Variants in PNLDC1 observed in about 807,000 individuals in gnomAD.
The protein encoded by PNLDC1 is PARN like ribonuclease domain containing exonuclease 1.
A neutral mutation model predicts 82.0 loss-of-function variants in PNLDC1; 70 were observed. The observed-to-expected ratio is 0.85, with a 90% CI of 0.70 to 1.04. The LOEUF (loss-of-function observed/expected upper bound fraction) is 1.04, where lower values mean the gene tolerates loss of function less well. Among genes scored for constraint, PNLDC1 ranks in the 50% least tolerant of loss-of-function variants. PNLDC1 has a pLI of 0.00. For missense variants in PNLDC1, 631 were observed against 661.1 expected (o/e 0.95, Z 0.50); for synonymous variants, 280 against 249.3 (o/e 1.12, Z -1.16).
intron 14 of PNLDC1, 151 bp downstream of exon 14, chr6:159,816,747 C>G (rs764215501): frequency 4.2e-6 from 3 of 719,014 alleles, no homozygotes; most frequent in Non-Finnish European, 7.1e-6. Context: ...ATCCTCCCAC[C>G]TCAGCTTCCC....
In PNLDC1 at chr6:159,805,778, T is replaced by C. The variant is rs1781425409; in HGVS notation, c.462-205T>C. ...GGATTGAATATATGCCTGGATCCTA[T>C]GGAAGGTTGTGGGCTATTCTTCCAA... On this transcript the variant is annotated intron_variant, in intron 6 of 18. Coordinates refer to ENST00000392167, the MANE Select transcript of PNLDC1 (RefSeq NM_001271862.2). 1.8e-5 allele frequency: 10 copies of C among 559,560 alleles called. No homozygotes were observed. In the South Asian group the frequency reaches 2.0e-4, roughly 11 times the overall value. The allele number at this position is 559,560 out of a possible 1,614,324, so 34.7% of individuals were successfully genotyped here.
Position 159,818,566 on chromosome 6 carries a change from T to A in PNLDC1, c.1169T>A (p.Val390Glu), listed in dbSNP as rs1288576270. 6.2e-7 allele frequency: 1 copy of A among 1,613,754 alleles called. No individual in the cohort carries two copies. The highest frequency in any genetic ancestry group is 8.5e-7 in the Non-Finnish European group (1 of 1,180,024). The change falls in exon 16 of 19, where the codon GTG becomes GAG. Residue 390 changes from valine to glutamate, a missense_variant. Transcript: ENST00000392167. ...TTCTGTCCTTGCAGCATCGACCCCG[T>A]GCCCGAGTCATCCTTTCCTCAGTAC... ...LLQKIYHIDP[V>E]PESSFPQYLD... is the part of the protein sequence containing the mutation.
chr6:159,801,281 A>G, intron 3 of PNLDC1, 95 bp downstream of exon 3: 1 of 1,174,374 alleles, frequency 8.5e-7, no homozygotes, highest in East Asian at 2.3e-5. Context: ...TTTTTCAAGG[A>G]TATTGAGTAT....
intron 18 of PNLDC1, 55 bp from the exon 19 acceptor site, chr6:159,820,399 G>T (rs960538011): frequency 6.4e-7 from 1 of 1,561,280 alleles, no homozygotes; most frequent in Non-Finnish European, 8.8e-7. Context: ...GCCTGTGTCG[G>T]TGCCTCTCGG....
At chr6:159,815,934 A>G (rs761681494) in intron 12 of PNLDC1, 35 bp from the exon 13 acceptor site, 19 of 1,557,216 alleles carry the variant, frequency 1.2e-5, no homozygotes, top group Middle Eastern at 3.4e-4. Flanking sequence ...TACTTTCAGC[A>G]AATTGTTTTT....
At chr6:159,800,431 C>T (rs1178924160) in intron 1 of PNLDC1, 48 bp downstream of exon 1, 5 of 1,526,896 alleles carry the variant, frequency 3.3e-6, no homozygotes, top group Admixed American at 2.0e-5. Context: ...CCCCTTGCCC[C>T]GGGCGAGCTT....
chr6:159,813,726 T>TG, intron 12 of PNLDC1, 70 bp downstream of exon 12: 1 of 1,414,262 alleles, frequency 7.1e-7, no homozygotes, highest in Non-Finnish European at 1.0e-6. Flanking sequence ...CGCAGGCCTT[T>TG]GGGCTCTCTA....
At position 159,819,160 on chromosome 6, in the gene PNLDC1, G is replaced by T. The variant is rs375147516; in HGVS notation, c.1433+39G>T. The T allele has an allele frequency of 1.9e-6, 3 of 1,609,928 alleles. No individual in the cohort carries two copies. The highest frequency in any genetic ancestry group is 2.5e-6 in the Non-Finnish European group (3 of 1,177,114). On this transcript the variant is annotated intron_variant, in intron 17 of 18. Coordinates refer to ENST00000392167, the MANE Select transcript of PNLDC1 (RefSeq NM_001271862.2). The surrounding 1 kb of genome is among the most constrained non-coding windows in gnomAD (Gnocchi z 4.6). ...AGTCCGCGTCCCCCACCCCTCGTGC[G>T]TTCATCCCTGTATCTCTCTGACTCC... is the stretch of plus-strand genomic sequence containing the variant.
rs908360672 is a variant in PNLDC1 at position 159,805,997 on chromosome 6, A to G, written c.476A>G (p.Asp159Gly). 1.2e-6 allele frequency: 2 copies of G among 1,614,138 alleles called. No individual in the cohort carries two copies. Among genetic ancestry groups the G allele is most frequent in the Non-Finnish European group, 8.5e-7 (1 of 1,179,980 alleles). Reference protein sequence around the residue: ...NWRVRSSPDKDQIKVVIDEVT... With the variant: ...NWRVRSSPDKGQIKVVIDEVT... Reference sequence around the variant, plus strand: ...CCCATTTTCAGCTCTCCGGATAAAGACCAAATCAAGGTGGTGATTGACGAA... The same window carrying G: ...CCCATTTTCAGCTCTCCGGATAAAGGCCAAATCAAGGTGGTGATTGACGAA... The change falls in exon 7 of 19, where the codon GAC (aspartate) becomes GGC (glycine). Residue 159 changes from aspartate to glycine, a missense_variant. Asp to Gly is a moderately conservative substitution (Grantham distance 94). Transcript: ENST00000392167.
At chr6:159,811,180 G>C (rs534940938) in intron 10 of PNLDC1, among the ~76,000 whole-genome samples, 1 of 152,214 alleles carries the variant, frequency 6.6e-6, no homozygotes, top group Admixed American at 6.5e-5. Context: ...GGAAATGGGA[G>C]AGTAGCGGGA....
intron 8 of PNLDC1, 80 bp downstream of exon 8, chr6:159,808,896 C>T: frequency 6.3e-7 from 1 of 1,594,798 alleles, no homozygotes; most frequent in Admixed American, 1.7e-5. Context: ...CTCTGAAAAG[C>T]TTTTATCTTG....
At position 159,817,120 on chromosome 6, in the gene PNLDC1, G is replaced by A; in HGVS notation, c.1126G>A (p.Val376Met). ...TTTTTCCTTCCTAGTTCTTTTGAAA[G>A]TGGCACACTTGCTTCTACAGAAGAT... ...AFLCGSVLLK[V>M]AHLLLQKIYH... The change falls in exon 15 of 19, where the codon GTG becomes ATG. Residue 376 changes from valine to methionine, a missense_variant. Transcript: ENST00000392167. 1 of 1,612,368 alleles carries A rather than the reference G, an allele frequency of 6.2e-7. No homozygotes were observed. Among genetic ancestry groups the A allele is most frequent in the Non-Finnish European group, 8.5e-7 (1 of 1,178,656 alleles).
chr6:159,808,559 C>T lies in PNLDC1; in HGVS notation c.563-181C>T, dbSNP rs140265307. Among the ~76,000 whole-genome samples the T allele has an allele frequency of 3.4e-3, 507 of 149,444 alleles. 1 individual carries two copies. Among genetic ancestry groups the T allele is most frequent in the Admixed American group, 6.0e-3 (90 of 14,964 alleles). On this transcript the variant is annotated intron_variant, in intron 7 of 18. Transcript: ENST00000392167. ...AAAAAAAAAAAAAACTCTTAGAATG[C>T]TGCCCCAGATCCCATCATGACAGGC...
chr6:159,810,331 T>TC (rs1408697759), intron 10 of PNLDC1, among the ~76,000 whole-genome samples: 5 of 152,182 alleles, frequency 3.3e-5, no homozygotes, highest in Non-Finnish European at 5.9e-5. Context: ...TTGATACCCC[T>TC]CTCCCCATTA....
chr6:159,809,280 A>AT, intron 9 of PNLDC1, 122 bp downstream of exon 9: 2 of 1,313,776 alleles, frequency 1.5e-6, no homozygotes, highest in Non-Finnish European at 1.0e-6. Flanking sequence ...CTTCTCATGA[A>AT]TTTTTTCATG....
chr6:159,800,393 C>T lies in PNLDC1; in HGVS notation c.76+10C>T. On this transcript the variant is annotated intron_variant, in intron 1 of 18. Transcript: ENST00000392167. ...GAGGCCGACTTCGTGGGTGAAGAGC[C>T]TGGGATTCGCGGCTGTGCCGGACAG... The T allele has an allele frequency of 6.5e-7, 1 of 1,547,482 alleles. No homozygotes were observed. Among genetic ancestry groups the T allele is most frequent in the Non-Finnish European group, 8.7e-7 (1 of 1,146,014 alleles).
chr6:159,808,956 T>C lies in PNLDC1; in HGVS notation c.640-59T>C, dbSNP rs1241495866. 9 of 1,597,872 alleles carry C rather than the reference T, an allele frequency of 5.6e-6. No individual in the cohort carries two copies. In the African/African-American group the frequency reaches 1.2e-4, roughly 22 times the overall value. ...CCTTTTGTTTAGAGATGCAGAGCCATTTCTTTAGGCCTCATTCCTAGTAAC... is the reference window on the plus strand; with the variant it reads ...CCTTTTGTTTAGAGATGCAGAGCCACTTCTTTAGGCCTCATTCCTAGTAAC... On this transcript the variant is annotated intron_variant, in intron 8 of 18. Transcript: ENST00000392167.
intron 3 of PNLDC1, 91 bp from the exon 4 acceptor site, chr6:159,803,180 C>A: frequency 1.6e-6 from 2 of 1,221,262 alleles, no homozygotes; most frequent in Non-Finnish European, 2.4e-6. Context: ...TATCTGTGGG[C>A]GCAAAGTACT....
At chr6:159,804,141 G>C in intron 5 of PNLDC1, 53 bp downstream of exon 5, 2 of 1,594,720 alleles carry the variant, frequency 1.3e-6, no homozygotes, top group Non-Finnish European at 1.7e-6. Context: ...TTCTGAGATG[G>C]AGTCTCGCTC....
Sources: gnomAD v4.1 joint callset for allele counts (sites outside exome capture counted in the v4.1 genomes callset) on GRCh38, gnomAD v4.1.1 for gene constraint, Gnocchi (gnomAD v3.1) non-coding constraint, MANE v1.5 for transcripts, NCBI Gene and HGNC (gene_info 2026-07-23, HGNC 2026-07-21) for gene names.